Variants in MACROD1 observed in about 807,000 individuals in gnomAD.
MACROD1 encodes mono-ADP ribosylhydrolase 1.
Under a neutral mutation model 41.4 loss-of-function variants are expected in MACROD1, and 31 were observed. That is an observed-to-expected ratio of 0.75 (90% CI 0.56 to 1.01). The LOEUF is 1.01. Ranked by LOEUF, MACROD1 falls within the 50% of genes least tolerant of loss-of-function variation. The pLI, the probability that MACROD1 is intolerant of heterozygous loss-of-function variation, is 0.00. For missense variants in MACROD1, 473 were observed against 460.0 expected, an observed-to-expected ratio of 1.03 and a Z score of -0.26; for synonymous variants, 252 against 203.4, an observed-to-expected ratio of 1.24 and a Z score of -2.03.
At chr11:64,117,150 G>A (rs775609758) in intron 3 of MACROD1, 2 of 1,613,874 alleles carry the variant, frequency 1.2e-6, no homozygotes, top group South Asian at 2.2e-5. Context: ...CAAGATGCGT[G>A]AGCTGGAGCG....
chr11:64,111,475 C>T (rs946623434), intron 3 of MACROD1, among the ~76,000 whole-genome samples: 4 of 152,216 alleles, frequency 2.6e-5, no homozygotes, highest in African/African-American at 7.2e-5. Context: ...GCAGGACCTC[C>T]GGCTCCATAA....
intron 1 of MACROD1, among the ~76,000 whole-genome samples, chr11:64,156,909 C>G (rs1945676849): frequency 6.6e-6 from 1 of 152,208 alleles, no homozygotes; most frequent in Admixed American, 6.5e-5. Flanking sequence ...CCTGGCTGAT[C>G]CCCAAAGAGC....
chr11:64,123,081 A>T (rs915766382), intron 3 of MACROD1, among the ~76,000 whole-genome samples: 1 of 152,160 alleles, frequency 6.6e-6, no homozygotes, highest in Non-Finnish European at 1.5e-5. Flanking sequence ...AGAGGGAGCA[A>T]AGGGGCGGGG....
intron 1 of MACROD1, among the ~76,000 whole-genome samples, chr11:64,154,684 C>T (rs1384758417): frequency 1.3e-5 from 2 of 152,212 alleles, no homozygotes; most frequent in African/African-American, 4.8e-5. Context: ...CTGCTGTGCT[C>T]TGCAGGATAT....
chr11:64,078,521 G>T (rs1041893274), intron 3 of MACROD1, among the ~76,000 whole-genome samples: 3 of 152,228 alleles, frequency 2.0e-5, no homozygotes, highest in South Asian at 2.1e-4. Context: ...GCATCGGAGG[G>T]ATACCCGGGA....
intron 3 of MACROD1, among the ~76,000 whole-genome samples, chr11:64,091,560 G>A (rs1274600379): frequency 6.6e-6 from 1 of 152,112 alleles, no homozygotes; most frequent in Non-Finnish European, 1.5e-5. Context: ...AGCTGGGCCA[G>A]TCCTTCGGGC....
rs1269435910 is a variant in MACROD1 at position 64,165,728 on chromosome 11, C to T, written c.267G>A (p.Leu89=). ...CCTCCTTCCAGTCGGTGGAGGTGCT[C>T]AGGTCCACCTTCGCCGCCATGGCCA... ...APLAMAAKVD[L]STSTDWKEAK... is the part of the protein sequence containing the mutation. Residue 89 remains leucine, a synonymous_variant, in exon 1 of 11, where the codon CTG becomes CTA. Transcript: ENST00000255681. 5.4e-6 allele frequency: 8 copies of T among 1,491,164 alleles called. No homozygotes were observed. Among genetic ancestry groups the T allele is most frequent in the African/African-American group, 4.4e-5 (3 of 68,596 alleles). 92.4% of individuals were successfully genotyped at this position (1,491,164 alleles called of 1,614,324 possible). A position where few individuals can be genotyped will look rare whatever the true frequency, so the allele number is the denominator to read the frequency against.
intron 3 of MACROD1, among the ~76,000 whole-genome samples, chr11:64,089,535 T>C (rs2134517659): frequency 6.6e-6 from 1 of 152,316 alleles, no homozygotes; most frequent in South Asian, 2.1e-4. Context: ...CTGTTATCCA[T>C]GCACTTTCCT....
intron 3 of MACROD1, chr11:64,116,462 C>G: frequency 6.2e-7 from 1 of 1,614,100 alleles, no homozygotes; most frequent in Non-Finnish European, 8.5e-7. Context: ...ACGGCTTCAT[C>G]TACTGCAACG....
At chr11:64,070,491 C>T (rs1944087156) in intron 3 of MACROD1, among the ~76,000 whole-genome samples, 2 of 152,184 alleles carry the variant, frequency 1.3e-5, no homozygotes, top group Admixed American at 6.5e-5. Context: ...GCTTTCGGAC[C>T]CTCCTTGCAG....
chr11:64,043,909 G>C (rs966059943), intron 3 of MACROD1, among the ~76,000 whole-genome samples: 1 of 151,784 alleles, frequency 6.6e-6, no homozygotes, highest in African/African-American at 2.4e-5. Flanking sequence ...TCTGCAACAG[G>C]TTCAAGCTAT....
At chr11:64,065,207 G>A (rs557362870) in intron 3 of MACROD1, among the ~76,000 whole-genome samples, 34 of 152,330 alleles carry the variant, frequency 2.2e-4, no homozygotes, top group African/African-American at 7.7e-4. Flanking sequence ...CCTGGGGTCA[G>A]AGAGGCCCAG....
chr11:64,121,422 T>C (rs1164966746), intron 3 of MACROD1, among the ~76,000 whole-genome samples: 1 of 152,242 alleles, frequency 6.6e-6, no homozygotes, highest in Non-Finnish European at 1.5e-5. Context: ...GCTCTAGAGC[T>C]GACTTTCTCA....
chr11:64,027,771 G>A (rs2134358739), intron 3 of MACROD1, among the ~76,000 whole-genome samples: 1 of 152,270 alleles, frequency 6.6e-6, no homozygotes, highest in Middle Eastern at 3.4e-3. Context: ...TCCGTGGGAG[G>A]ATCCTCCCGG....
chr11:64,041,524 C>T (rs1188040140), intron 3 of MACROD1, among the ~76,000 whole-genome samples: 1 of 151,604 alleles, frequency 6.6e-6, no homozygotes, highest in African/African-American at 2.4e-5. Context: ...TGTTGGGGGA[C>T]ACCTGGCTGG....
intron 3 of MACROD1, among the ~76,000 whole-genome samples, chr11:64,065,477 G>C (rs577277992): frequency 1.3e-5 from 2 of 152,164 alleles, no homozygotes; most frequent in South Asian, 4.1e-4. Flanking sequence ...TGCTTGTCCT[G>C]AGCTACAGAG....
intron 3 of MACROD1, among the ~76,000 whole-genome samples, chr11:64,144,340 T>C (rs887049688): frequency 6.6e-6 from 1 of 152,104 alleles, no homozygotes; most frequent in African/African-American, 2.4e-5. Flanking sequence ...TGTTACCCCT[T>C]ATCCGGAATT....
chr11:64,005,703 G>A (rs1035654950), intron 4 of MACROD1, among the ~76,000 whole-genome samples: 4 of 152,262 alleles, frequency 2.6e-5, no homozygotes, highest in Non-Finnish European at 5.9e-5. Context: ...CTGAGGCTCA[G>A]CCATGGACTT....
intron 3 of MACROD1, chr11:64,116,787 GC>G: frequency 6.2e-7 from 1 of 1,613,410 alleles, no homozygotes; most frequent in Non-Finnish European, 8.5e-7. Context: ...GGACGCCTTC[GC>G]CGACAGCAAA....
Sources: gnomAD v4.1 joint callset for allele counts (sites outside exome capture counted in the v4.1 genomes callset) on GRCh38, gnomAD v4.1.1 for gene constraint, MANE v1.5 for transcripts, NCBI Gene and HGNC (gene_info 2026-07-23, HGNC 2026-07-21) for gene names.